The following BTNL8 variants were observed in gnomAD, a reference collection of about 807,000 sequenced individuals.
BTNL8 encodes butyrophilin-like protein 8.
Under a neutral mutation model 36.1 loss-of-function variants are expected in BTNL8, and 22 were observed. The observed-to-expected ratio is 0.61, with a 90% CI of 0.44 to 0.87. The LOEUF (loss-of-function observed/expected upper bound fraction) is 0.87. Among genes scored for constraint, BTNL8 ranks in the 40% least tolerant of loss-of-function variants. BTNL8 has a pLI of 0.00. For missense variants in BTNL8, 526 were observed against 616.9 expected (o/e 0.85, Z 1.56); for synonymous variants, 203 against 235.6 (o/e 0.86, Z 1.27).
chr5:180,923,489 T>C (rs1757962212), intron 3 of BTNL8, among the ~76,000 whole-genome samples: 1 of 152,160 alleles, frequency 6.6e-6, no homozygotes, highest in Non-Finnish European at 1.5e-5. Context: ...AAACCTTTTA[T>C]GAATTAGCAA....
chr5:180,902,298 G>T, intron 1 of BTNL8: 1 of 1,500,736 alleles, frequency 6.7e-7, no homozygotes, highest in Non-Finnish European at 9.1e-7. Flanking sequence ...GGATAACATG[G>T]TTTTCTCATC....
intron 1 of BTNL8, among the ~76,000 whole-genome samples, chr5:180,905,097 AATGG>A (rs1757018978): frequency 6.6e-6 from 1 of 151,320 alleles, no homozygotes; most frequent in Non-Finnish European, 1.5e-5. Flanking sequence ...TTTCAGAAGG[AATGG>A]TACCAGTTCC....
chr5:180,941,912 C>CTTTTTTTTTTTTTTTTTTTTTTTTTTTT (rs1554145496), intron 3 of BTNL8, among the ~76,000 whole-genome samples: 4 of 145,094 alleles, frequency 2.8e-5, no homozygotes, highest in Admixed American at 6.9e-5. Flanking sequence ...TTTTACTACT[C>CTTTTTTTTTTTTTTTTTTTTTTTTTTTT]TTATTCAACA....
chr5:180,937,885 T>C (rs975721455), intron 3 of BTNL8, among the ~76,000 whole-genome samples: 1 of 150,988 alleles, frequency 6.6e-6, no homozygotes, highest in Non-Finnish European at 1.5e-5. Context: ...TTTAACAAAA[T>C]CAGGAAAACA....
At position 180,947,808 on chromosome 5, in the gene BTNL8, C is replaced by T. The variant is rs548535334; in HGVS notation, c.787+183C>T. 3.8e-6 allele frequency: 6 copies of T among 1,581,160 alleles called. No individual in the cohort carries two copies. The East Asian group carries it at 1.1e-4, about 30-fold the overall frequency. The stretch of plus-strand genomic sequence containing the variant: ...ACATCTCTTCCTCTGGAAATATCAA[C>T]TACGACAGCCCCTTGCTACTTCATT... On this transcript the variant is annotated intron_variant, in intron 4 of 7. Coordinates refer to ENST00000340184, the MANE Select transcript of BTNL8 (RefSeq NM_001040462.3).
At chr5:180,903,966 C>T (rs1384988399) in intron 1 of BTNL8, among the ~76,000 whole-genome samples, 8 of 116,614 alleles carry the variant, frequency 6.9e-5, no homozygotes, top group East Asian at 2.5e-4. Context: ...TGTGATGCCT[C>T]CAGCTTTGTT....
chr5:180,937,053 T>C (rs969626788), intron 3 of BTNL8, among the ~76,000 whole-genome samples: 1 of 152,164 alleles, frequency 6.6e-6, no homozygotes, highest in African/African-American at 2.4e-5. Flanking sequence ...GCAGAGTGAC[T>C]ACATGCTGCA....
At chr5:180,944,823 GA>G (rs1759160526) in intron 3 of BTNL8, among the ~76,000 whole-genome samples, 1 of 152,016 alleles carries the variant, frequency 6.6e-6, no homozygotes, top group African/African-American at 2.4e-5. Context: ...TTAAAAAACT[GA>G]ACACAAATAA....
At chr5:180,915,908 C>T (rs1455645259) in intron 3 of BTNL8, among the ~76,000 whole-genome samples, 7 of 152,184 alleles carry the variant, frequency 4.6e-5, no homozygotes, top group African/African-American at 7.2e-5. Flanking sequence ...AAAGGCCATA[C>T]GTAACATGCC....
At chr5:180,940,906 A>T (rs7702822) in intron 3 of BTNL8, among the ~76,000 whole-genome samples, 68,144 of 151,730 alleles carry the variant, frequency 0.45, 16,390 homozygotes, top group African/African-American at 0.63. Flanking sequence ...CTGTCTCTAC[A>T]AAAAAACAAC....
At chr5:180,936,245 C>T (rs1391714215) in intron 3 of BTNL8, among the ~76,000 whole-genome samples, 6 of 151,744 alleles carry the variant, frequency 4.0e-5, no homozygotes, top group Non-Finnish European at 8.8e-5. Context: ...CTAACCAGCA[C>T]AGTTAGGCAA....
chr5:180,907,892 G>C (rs1423148634), intron 1 of BTNL8, among the ~76,000 whole-genome samples: 2 of 151,606 alleles, frequency 1.3e-5, no homozygotes, highest in East Asian at 3.9e-4. Context: ...ATCTCCAGCT[G>C]CGTGCTGGGA....
intron 3 of BTNL8, among the ~76,000 whole-genome samples, chr5:180,927,107 C>T (rs529702929): frequency 3.9e-5 from 6 of 152,230 alleles, no homozygotes; most frequent in South Asian, 2.1e-4. Flanking sequence ...CCCCCTGGGA[C>T]GAACCTTACA....
chr5:180,902,448 G>T lies in BTNL8; in HGVS notation c.49+3089G>T, dbSNP rs368194348. On this transcript the variant is annotated intron_variant, in intron 1 of 7. Coordinates refer to ENST00000340184, the MANE Select transcript of BTNL8 (RefSeq NM_001040462.3). ...CTGGCTTTAGAAATAGGATTGTGAT[G>T]AATGTTTCCCCCTGATGCACATCTC... 6.4e-5 allele frequency: 97 copies of T among 1,520,802 alleles called. 1 individual carries two copies. The African/African-American group carries it at 1.1e-3, about 18-fold the overall frequency. The allele number at this position is 1,520,802 out of a possible 1,614,324, so 94.2% of individuals were successfully genotyped here.
At chr5:180,899,556 A>T (rs1425465804) in intron 1 of BTNL8, among the ~76,000 whole-genome samples, 197 bp downstream of exon 1, 1 of 152,186 alleles carries the variant, frequency 6.6e-6, no homozygotes, top group Non-Finnish European at 1.5e-5. Flanking sequence ...GGTGTTGAAG[A>T]CGCACCGTGA....
At chr5:180,931,873 G>A (rs1758402399) in intron 3 of BTNL8, among the ~76,000 whole-genome samples, 1 of 152,166 alleles carries the variant, frequency 6.6e-6, no homozygotes, top group African/African-American at 2.4e-5. Flanking sequence ...GTGTAAATTA[G>A]TTCAACCATT....
chr5:180,923,662 A>G (rs1476975356), intron 3 of BTNL8, among the ~76,000 whole-genome samples: 1 of 152,156 alleles, frequency 6.6e-6, no homozygotes, highest in African/African-American at 2.4e-5. Context: ...GCAAAAAAAG[A>G]AAGAAAGTGA....
At position 180,950,623 on chromosome 5, in the gene BTNL8, AG is replaced by A; in HGVS notation, c.*81del. ...TCCAAAGTCCCGCAGCAGCCGGCCA[AG>A]GTGGCTTCCAGATGAAGGGGGACTG... On this transcript the variant is annotated 3_prime_UTR_variant, in exon 8 of 8. Coordinates refer to ENST00000340184, the MANE Select transcript of BTNL8 (RefSeq NM_001040462.3). The A allele has an allele frequency of 7.3e-7, 1 of 1,366,184 alleles. No homozygotes were observed. Among genetic ancestry groups the A allele is most frequent in the Non-Finnish European group, 1.0e-6 (1 of 997,560 alleles). The allele number at this position is 1,366,184 out of a possible 1,614,324, so 84.6% of individuals were successfully genotyped here.
At chr5:180,948,079 C>T (rs1023357780) in intron 4 of BTNL8, 4 of 647,302 alleles carry the variant, frequency 6.2e-6, no homozygotes, top group Non-Finnish European at 1.0e-5. Flanking sequence ...AGGCCACCCC[C>T]GCCTCCCCTC....
Sources: allele counts gnomAD v4.1 joint callset (sites outside exome capture counted in the v4.1 genomes callset), GRCh38; gene constraint gnomAD v4.1.1; transcripts MANE v1.5; gene names NCBI Gene and HGNC (gene_info 2026-07-23, HGNC 2026-07-21).